REC114: variants seen among roughly 807,000 people sequenced by gnomAD.
REC114 encodes the protein REC114 meiotic recombination protein, also known as meiotic recombination protein REC114.
A neutral mutation model predicts 31.3 loss-of-function variants in REC114; 27 were observed. The observed-to-expected ratio is 0.86, with a 90% CI of 0.64 to 1.19. REC114 has a LOEUF of 1.19. Among genes scored for constraint, REC114 ranks in the 50% most tolerant of loss-of-function variants. REC114 has a pLI of 0.00. For synonymous variants in REC114, 134 were observed against 127.7 expected (o/e 1.05, Z -0.33); for missense variants, 344 against 326.9 (o/e 1.05, Z -0.40).
At chr15:73,509,776 GC>G (rs1364092908) in intron 2 of REC114, among the ~76,000 whole-genome samples, 1 of 151,200 alleles carries the variant, frequency 6.6e-6, no homozygotes, top group Non-Finnish European at 1.5e-5. Flanking sequence ...ATTTCTGAGG[GC>G]TCTGTTCTGT....
At chr15:73,508,143 C>T (rs1035676953) in intron 2 of REC114, among the ~76,000 whole-genome samples, 11 of 152,026 alleles carry the variant, frequency 7.2e-5, no homozygotes, top group African/African-American at 2.7e-4. Flanking sequence ...ATTATGTCTT[C>T]TGTTATTTTT....
intron 2 of REC114, among the ~76,000 whole-genome samples, chr15:73,513,177 C>T (rs1319363639): frequency 9.3e-4 from 137 of 147,268 alleles, no homozygotes; most frequent in African/African-American, 3.2e-3. Context: ...CTTCCCTTCT[C>T]GCTTCATTTC....
At chr15:73,513,988 T>C (rs922862629) in intron 2 of REC114, among the ~76,000 whole-genome samples, 145 of 151,990 alleles carry the variant, frequency 9.5e-4, no homozygotes, top group Non-Finnish European at 1.5e-3. Context: ...TCGAGCTTCC[T>C]GGCTGCTTTG....
At chr15:73,527,273 A>G (rs1327198496) in intron 2 of REC114, among the ~76,000 whole-genome samples, 1 of 152,160 alleles carries the variant, frequency 6.6e-6, no homozygotes, top group Non-Finnish European at 1.5e-5. Context: ...GCTCAGTCTT[A>G]TGGTATTTCG....
intron 2 of REC114, among the ~76,000 whole-genome samples, chr15:73,474,123 G>T (rs1025718651): frequency 1.3e-5 from 2 of 152,196 alleles, no homozygotes; most frequent in South Asian, 2.1e-4. Flanking sequence ...TTAGGATTTT[G>T]TTGGGAGTCA....
At position 73,466,108 on chromosome 15, in the gene REC114, C is replaced by G. The variant is rs111842414; in HGVS notation, c.160-7724C>G. 3.6e-3 allele frequency among the ~76,000 whole-genome samples: 554 copies of G among 151,972 alleles called. 9 individuals carry two copies. In the East Asian group the frequency reaches 0.055, roughly 15 times the overall value. On this transcript the variant is annotated intron_variant, in intron 1 of 5. Coordinates refer to ENST00000331090, the MANE Select transcript of REC114 (RefSeq NM_001042367.2). ...CCTCATGATCTGCCCACCTCGGCCT[C>G]CCAAAGTGCTGGGATTACAGGCATG... is the stretch of plus-strand genomic sequence containing the variant.
intron 3 of REC114, among the ~76,000 whole-genome samples, chr15:73,543,285 T>A (rs983266964): frequency 6.6e-6 from 1 of 152,228 alleles, no homozygotes; most frequent in Non-Finnish European, 1.5e-5. Flanking sequence ...ACAGACTTTT[T>A]AAACATTTAA....
At chr15:73,457,358 C>A (rs1892931100) in intron 1 of REC114, among the ~76,000 whole-genome samples, 1 of 152,110 alleles carries the variant, frequency 6.6e-6, no homozygotes. Flanking sequence ...ATATGTTGAT[C>A]AGTACTCAGC....
At chr15:73,444,211 T>A (rs1474624290) in intron 1 of REC114, among the ~76,000 whole-genome samples, 1 of 152,246 alleles carries the variant, frequency 6.6e-6, no homozygotes, top group Non-Finnish European at 1.5e-5. Context: ...TGGCAATTTC[T>A]TAAAATAAGA....
chr15:73,551,231 G>A, intron 4 of REC114, 81 bp downstream of exon 4: 1 of 1,332,822 alleles, frequency 7.5e-7, no homozygotes, highest in Non-Finnish European at 1.0e-6. Flanking sequence ...AGTGGAGTTT[G>A]TCAAGTCTGT....
At chr15:73,546,051 A>C (rs1318946103) in intron 3 of REC114, among the ~76,000 whole-genome samples, 2 of 152,162 alleles carry the variant, frequency 1.3e-5, no homozygotes, top group Non-Finnish European at 2.9e-5. Flanking sequence ...GACTCCTGAT[A>C]ATCTGGGGAT....
intron 2 of REC114, among the ~76,000 whole-genome samples, chr15:73,528,111 TC>T (rs1894030513): frequency 6.6e-6 from 1 of 152,198 alleles, no homozygotes; most frequent in African/African-American, 2.4e-5. Flanking sequence ...GAGAACCACC[TC>T]ATTATTTTGA....
chr15:73,450,075 C>T (rs1183940375), intron 1 of REC114, among the ~76,000 whole-genome samples: 2 of 152,168 alleles, frequency 1.3e-5, no homozygotes, highest in Non-Finnish European at 2.9e-5. Context: ...GAAGAAACTG[C>T]ATCAACTAAC....
chr15:73,527,722 A>G (rs1894025736), intron 2 of REC114, among the ~76,000 whole-genome samples: 1 of 152,174 alleles, frequency 6.6e-6, no homozygotes, highest in Non-Finnish European at 1.5e-5. Context: ...CTATCTCCCC[A>G]TAAAAATAGA....
At chr15:73,451,229 G>T (rs1456296599) in intron 1 of REC114, among the ~76,000 whole-genome samples, 1 of 151,984 alleles carries the variant, frequency 6.6e-6, no homozygotes, top group Non-Finnish European at 1.5e-5. Flanking sequence ...AAAATAGGCT[G>T]CTAGCCAGAC....
At chr15:73,522,282 G>T (rs552022836) in intron 2 of REC114, among the ~76,000 whole-genome samples, 9 of 152,048 alleles carry the variant, frequency 5.9e-5, no homozygotes, top group Non-Finnish European at 1.2e-4. Context: ...ACTTACACTT[G>T]TCCTTCAAGT....
chr15:73,459,998 T>A (rs1050458427), intron 1 of REC114, among the ~76,000 whole-genome samples: 1 of 152,218 alleles, frequency 6.6e-6, no homozygotes, highest in Non-Finnish European at 1.5e-5. Flanking sequence ...AATTATGTCA[T>A]GTACATTGTA....
At chr15:73,524,966 A>T (rs1179744385) in intron 2 of REC114, among the ~76,000 whole-genome samples, 1 of 152,192 alleles carries the variant, frequency 6.6e-6, no homozygotes, top group African/African-American at 2.4e-5. Context: ...TTCTTCGAAG[A>T]ACTGCAACAG....
chr15:73,539,945 C>A (rs1241503924), intron 2 of REC114, among the ~76,000 whole-genome samples: 1 of 152,066 alleles, frequency 6.6e-6, no homozygotes, highest in Non-Finnish European at 1.5e-5. Flanking sequence ...GACTTGTGTG[C>A]CCTCTACTGC....
Sources: allele counts gnomAD v4.1 joint callset (sites outside exome capture counted in the v4.1 genomes callset), GRCh38; gene constraint gnomAD v4.1.1; transcripts MANE v1.5; gene names NCBI Gene and HGNC (gene_info 2026-07-23, HGNC 2026-07-21).